NLGN1: variants seen among roughly 807,000 people sequenced by gnomAD.
NLGN1 encodes neuroligin 1, also known as neuroligin-1.
A neutral mutation model predicts 65.5 loss-of-function variants in NLGN1; 12 were observed. The observed-to-expected ratio is 0.18, with a 90% CI of 0.12 to 0.30. NLGN1 has a LOEUF of 0.30. Ranked by LOEUF, NLGN1 falls within the 10% of genes least tolerant of loss-of-function variation. The probability of loss-of-function intolerance (pLI) is 1.00; values close to 1 mark genes in which losing one functional copy is unlikely to be tolerated. For synonymous variants in NLGN1, 350 were observed against 359.5 expected (o/e 0.97, Z 0.30); for missense variants, 750 against 1,007.1 (o/e 0.74, Z 3.46).
intron 4 of NLGN1, among the ~76,000 whole-genome samples, chr3:174,208,310 A>G (rs1735811002): frequency 6.6e-6 from 1 of 152,196 alleles, no homozygotes; most frequent in Non-Finnish European, 1.5e-5. Context: ...AAATCTGCAA[A>G]GCAAAGGGCA....
At chr3:173,592,536 C>G (rs74652454) in intron 2 of NLGN1, among the ~76,000 whole-genome samples, 1 of 152,052 alleles carries the variant, frequency 6.6e-6, no homozygotes, top group Non-Finnish European at 1.5e-5. Context: ...ATTGTATTGT[C>G]ATTTGTTTCC....
intron 4 of NLGN1, among the ~76,000 whole-genome samples, chr3:174,060,754 A>T (rs1324081531): frequency 6.6e-6 from 1 of 152,060 alleles, no homozygotes; most frequent in African/African-American, 2.4e-5. Context: ...AGCTGATAAG[A>T]GAAAATATGT....
intron 4 of NLGN1, among the ~76,000 whole-genome samples, chr3:174,124,819 G>A (rs912162326): frequency 6.6e-6 from 1 of 151,664 alleles, no homozygotes; most frequent in African/African-American, 2.4e-5. Context: ...GAATTTTATG[G>A]GAGCATGTAA....
At chr3:173,978,229 C>T (rs1717951718) in intron 4 of NLGN1, among the ~76,000 whole-genome samples, 1 of 152,112 alleles carries the variant, frequency 6.6e-6, no homozygotes, top group Non-Finnish European at 1.5e-5. Context: ...CCAAATGTCT[C>T]TTCCTTTCTG....
intron 2 of NLGN1, among the ~76,000 whole-genome samples, chr3:173,480,877 G>A (rs1727168874): frequency 6.6e-6 from 1 of 152,034 alleles, no homozygotes; most frequent in South Asian, 2.1e-4. Context: ...AAGATCAATT[G>A]GGTATGAATA....
In NLGN1 at chr3:174,251,801, CA is replaced by C. The variant is rs1168392094; in HGVS notation, c.647-23507del. ...GGAGACTAGTTCCATGCAACACAGA[CA>C]AAAAAAGAATTAGATTGCTTTGCCT... is the stretch of plus-strand genomic sequence containing the variant. On this transcript the variant is annotated intron_variant, in intron 4 of 6. Coordinates refer to ENST00000457714, the Ensembl canonical transcript of NLGN1. Among the ~76,000 whole-genome samples the C allele has an allele frequency of 3.3e-5, 5 of 151,878 alleles. No individual in the cohort carries two copies. In the East Asian group the frequency reaches 9.6e-4, roughly 29 times the overall value.
intron 4 of NLGN1, among the ~76,000 whole-genome samples, chr3:173,980,963 G>T (rs1412822325): frequency 4.6e-5 from 7 of 151,894 alleles, no homozygotes; most frequent in Non-Finnish European, 1.0e-4. Flanking sequence ...AATTATTTTA[G>T]TTCAGTTATT....
At chr3:173,790,376 A>G (rs776886141) in intron 3 of NLGN1, among the ~76,000 whole-genome samples, 2 of 152,118 alleles carry the variant, frequency 1.3e-5, no homozygotes, top group African/African-American at 2.4e-5. Flanking sequence ...GGACAAATTT[A>G]TCATCTTTCT....
At chr3:174,274,398 A>C (rs1304979104) in intron 4 of NLGN1, among the ~76,000 whole-genome samples, 1 of 151,872 alleles carries the variant, frequency 6.6e-6, no homozygotes, top group Admixed American at 6.6e-5. Context: ...TACAACTTTC[A>C]TATGTAAAAC....
At chr3:174,095,812 C>T (rs1389731983) in intron 4 of NLGN1, among the ~76,000 whole-genome samples, 1 of 151,808 alleles carries the variant, frequency 6.6e-6, no homozygotes, top group Non-Finnish European at 1.5e-5. Context: ...CCAGCCTGAC[C>T]AACATGATGA....
At chr3:173,397,750 G>A (rs973192294), upstream of NLGN1, 2 of 152,218 alleles carry the variant, frequency 1.3e-5, no homozygotes, top group Non-Finnish European at 1.5e-5. Flanking sequence ...GAGCGCCGCG[G>A]CTGTAAGCCG....
intron 4 of NLGN1, among the ~76,000 whole-genome samples, chr3:174,038,898 ATC>A (rs1340242813): frequency 1.7e-4 from 26 of 152,054 alleles, no homozygotes; most frequent in Admixed American, 1.7e-3. Context: ...AGCCCTCTTA[ATC>A]TCTCTCCTTC....
At chr3:173,598,853 C>T (rs1164386745) in intron 2 of NLGN1, among the ~76,000 whole-genome samples, 1 of 152,134 alleles carries the variant, frequency 6.6e-6, no homozygotes, top group African/African-American at 2.4e-5. Flanking sequence ...CCAACTCCTC[C>T]CTCTGCCCAT....
chr3:173,932,158 C>T (rs1248715903), intron 4 of NLGN1, among the ~76,000 whole-genome samples: 1 of 151,912 alleles, frequency 6.6e-6, no homozygotes, highest in Non-Finnish European at 1.5e-5. Flanking sequence ...TGTGGGTACA[C>T]AGGATCAATC....
chr3:173,849,742 C>T (rs1726526537), intron 4 of NLGN1, among the ~76,000 whole-genome samples: 1 of 152,110 alleles, frequency 6.6e-6, no homozygotes, highest in Admixed American at 6.6e-5. Context: ...CTCATTTAAA[C>T]TATCTGAGGC....
At chr3:173,733,760 G>A (rs1295919884) in intron 3 of NLGN1, among the ~76,000 whole-genome samples, 1 of 152,168 alleles carries the variant, frequency 6.6e-6, no homozygotes, top group African/African-American at 2.4e-5. Context: ...AATGCATATG[G>A]TCCCAAAGGT....
chr3:173,833,465 G>A (rs1466265608), intron 4 of NLGN1, among the ~76,000 whole-genome samples: 1 of 150,234 alleles, frequency 6.7e-6, no homozygotes, highest in Non-Finnish European at 1.5e-5. Flanking sequence ...AGTTTTTTTT[G>A]TCCTTTGTCT....
At chr3:173,979,177 A>C (rs34098516) in intron 4 of NLGN1, among the ~76,000 whole-genome samples, 1 of 152,038 alleles carries the variant, frequency 6.6e-6, no homozygotes, top group Non-Finnish European at 1.5e-5. Context: ...ATGGGGAAGC[A>C]AGAACTGTGG....
At chr3:174,031,258 TC>T (rs1459622170) in intron 4 of NLGN1, among the ~76,000 whole-genome samples, 3 of 152,146 alleles carry the variant, frequency 2.0e-5, no homozygotes, top group African/African-American at 7.2e-5. Context: ...TTATTTCTAC[TC>T]TGAGCCAGGC....
Sources: gnomAD v4.1 joint callset for allele counts (sites outside exome capture counted in the v4.1 genomes callset) on GRCh38, gnomAD v4.1.1 for gene constraint, MANE v1.5 for transcripts, NCBI Gene and HGNC (gene_info 2026-07-23, HGNC 2026-07-21) for gene names.